The following PIN4 variants were observed in gnomAD, a reference collection of about 807,000 sequenced individuals.
PIN4 encodes peptidyl-prolyl cis-trans isomerase NIMA-interacting 4.
A neutral mutation model predicts 8.3 loss-of-function variants in PIN4; 3 were observed. The observed-to-expected ratio is 0.36, with a 90% CI of 0.16 to 0.93. The LOEUF is 0.93. PIN4 is among the 40% of genes least tolerant of loss of function. PIN4 has a pLI of 0.44. For missense variants in PIN4, 75 were observed against 100.6 expected, an observed-to-expected ratio of 0.75 and a Z score of 1.09; for synonymous variants, 18 against 32.5, an observed-to-expected ratio of 0.55 and a Z score of 1.52.
intron 3 of PIN4, among the ~76,000 whole-genome samples, chrX:72,245,640 G>A (rs2043065079): frequency 9.0e-6 from 1 of 111,706 alleles, no homozygotes; most frequent in East Asian, 2.8e-4. Context: ...TGGGATGGAG[G>A]CTGCCCCAGC....
At chrX:72,201,564 G>C (rs751379307), downstream of PIN4, among the ~76,000 whole-genome samples, 3 of 111,097 alleles carry the variant, frequency 2.7e-5, no homozygotes, top group Non-Finnish European at 3.8e-5. Context: ...AATCAAGATT[G>C]TGCCACTGCA....
At chrX:72,235,672 C>T (rs2043013564) in intron 3 of PIN4, among the ~76,000 whole-genome samples, 1 of 111,922 alleles carries the variant, frequency 8.9e-6, no homozygotes, top group Admixed American at 9.5e-5. Context: ...GGATTACAGG[C>T]GTGAGCCACC....
chrX:72,181,763 G>A lies in PIN4; in HGVS notation c.-23G>A. 8.4e-7 allele frequency: 1 copy of A among 1,196,776 alleles called. No homozygotes were observed. The highest frequency in any genetic ancestry group is 1.1e-6 in the Non-Finnish European group (1 of 882,500). On this transcript the variant is annotated 5_prime_UTR_variant, in exon 1 of 4. Transcript: ENST00000373669. ...CTTGTACGGCAACTGGAGCGGTTCA[G>A]CGTTCAACAACAAGCTTCCAAGATG...
rs199702975 is a variant in PIN4 at position 72,183,709 on chromosome X, AG to A, written c.43+1883del. On this transcript the variant is annotated intron_variant, in intron 1 of 3. Transcript: ENST00000373669. ...ATGGAAATGGGATGGTAGATAGAGA[AG>A]GACAGAGGATTAAGAGAAAGTTTTA... is the stretch of plus-strand genomic sequence containing the variant. 1.7e-3 allele frequency among the ~76,000 whole-genome samples: 188 copies of A among 112,297 alleles called. No homozygotes were observed. In the East Asian group the frequency reaches 0.031, roughly 19 times the overall value.
intron 3 of PIN4, among the ~76,000 whole-genome samples, chrX:72,236,321 C>T (rs2043017007): frequency 9.1e-6 from 1 of 110,465 alleles, no homozygotes; most frequent in Non-Finnish European, 1.9e-5. Context: ...TTTTCTGAGA[C>T]GGAGTCTTGC....
At chrX:72,205,722 AACT>A (rs2042814504) in intron 3 of PIN4, 15 of 1,211,760 alleles carry the variant, frequency 1.2e-5, no homozygotes, top group East Asian at 3.0e-5. Flanking sequence ...TTTTTGCTTT[AACT>A]ACTACTTCTT....
intron 2 of PIN4, among the ~76,000 whole-genome samples, chrX:72,187,644 A>G (rs928947490): frequency 1.8e-5 from 2 of 111,426 alleles, no homozygotes; most frequent in Admixed American, 1.9e-4. Context: ...AAAAAAGTAA[A>G]AATAAAAAAT....
chrX:72,206,413 T>C (rs2042820598), intron 3 of PIN4: 5 of 1,209,692 alleles, frequency 4.1e-6, no homozygotes, highest in Non-Finnish European at 5.6e-6. Context: ...ATCTTGTTTC[T>C]CACCCTCTTT....
chrX:72,198,380 TC>T, downstream of PIN4: 1 of 703,884 alleles, frequency 1.4e-6, no homozygotes, highest in East Asian at 1.5e-4. Context: ...CACACTGCCT[TC>T]TCTCCCTCAG....
chrX:72,220,954 G>A (rs905816727), intron 3 of PIN4, among the ~76,000 whole-genome samples: 6 of 111,826 alleles, frequency 5.4e-5, no homozygotes, highest in Admixed American at 2.8e-4. Flanking sequence ...AGTGGGCAAC[G>A]GCAGCTCATC....
chrX:72,197,925 A>G lies in PIN4; in HGVS notation c.*399A>G. 1 of 754,875 alleles carries G rather than the reference A, an allele frequency of 1.3e-6. No homozygotes were observed. The highest frequency in any genetic ancestry group is 1.6e-6 in the Non-Finnish European group (1 of 636,740). 62.2% of individuals were successfully genotyped at this position (754,875 alleles called of 1,213,427 possible). Reference sequence around the variant, plus strand: ...GCATCAAATAGATTAGTGTGTGAGAATCATAAAATAAGTTCCTAGACAACA... The same window carrying G: ...GCATCAAATAGATTAGTGTGTGAGAGTCATAAAATAAGTTCCTAGACAACA... On this transcript the variant is annotated 3_prime_UTR_variant, in exon 4 of 4. Transcript: ENST00000373669.
chrX:72,210,758 T>G (rs963268731), intron 3 of PIN4, among the ~76,000 whole-genome samples: 2 of 111,561 alleles, frequency 1.8e-5, no homozygotes, highest in African/African-American at 6.5e-5. Context: ...GAACCCCCAT[T>G]TGTCAACCTC....
At chrX:72,257,698 CAG>C (rs1449019043) in intron 3 of PIN4, among the ~76,000 whole-genome samples, 1 of 111,715 alleles carries the variant, frequency 9.0e-6, no homozygotes, top group Non-Finnish European at 1.9e-5. Context: ...TGGTGTGAAA[CAG>C]AGAGTTCAAG....
At chrX:72,199,499 C>T (rs896092231), downstream of PIN4, among the ~76,000 whole-genome samples, 4 of 111,882 alleles carry the variant, frequency 3.6e-5, no homozygotes, top group Admixed American at 3.8e-4. Flanking sequence ...GATTATGCTA[C>T]TACACTCCAG....
In PIN4 at chrX:72,251,132, C is replaced by T. The variant is rs749519730; in HGVS notation, c.313-11575C>T. Reference sequence around the variant, plus strand: ...CAGCACTTTGGGAGGCAGAGGCGGGCGGATCACAAGGTCAGGAGATCGAGA... The same window carrying T: ...CAGCACTTTGGGAGGCAGAGGCGGGTGGATCACAAGGTCAGGAGATCGAGA... On this transcript the variant is annotated intron_variant, in intron 3 of 3. Transcript: ENST00000423432. 6.9e-3 allele frequency among the ~76,000 whole-genome samples: 710 copies of T among 103,435 alleles called. 2 individuals are homozygous for T. Among genetic ancestry groups the T allele is most frequent in the Middle Eastern group, 0.025 (5 of 197 alleles). 89.8% of individuals were successfully genotyped at this position (103,435 alleles called of 115,157 possible).
intron 1 of PIN4, among the ~76,000 whole-genome samples, chrX:72,184,601 A>C (rs1409622061): frequency 2.7e-5 from 3 of 111,683 alleles, no homozygotes; most frequent in African/African-American, 9.8e-5. Context: ...AGAAGATGAC[A>C]GCATCCAGCA....
intron 3 of PIN4, among the ~76,000 whole-genome samples, chrX:72,223,063 G>A (rs1284411340): frequency 9.5e-6 from 1 of 104,854 alleles, no homozygotes; most frequent in Admixed American, 1.0e-4. Context: ...TCAGCCGGGT[G>A]CAGTGGCTCA....
chrX:72,198,663 A>G (rs148058380), downstream of PIN4: 477 of 111,978 alleles, frequency 4.3e-3, no homozygotes, highest in Middle Eastern at 0.027. Context: ...GTAGTGTCCT[A>G]TGCCAATCGG....
intron 3 of PIN4, among the ~76,000 whole-genome samples, chrX:72,262,046 A>G (rs1206664149): frequency 9.0e-6 from 1 of 111,224 alleles, no homozygotes; most frequent in East Asian, 2.8e-4. Flanking sequence ...AAGCCTTCCC[A>G]GACCCTCCCC....
Sources: allele counts gnomAD v4.1 joint callset (sites outside exome capture counted in the v4.1 genomes callset), GRCh38; gene constraint gnomAD v4.1.1; transcripts MANE v1.5; gene names NCBI Gene and HGNC (gene_info 2026-07-23, HGNC 2026-07-21).